Variants in FERMT2 observed in about 807,000 individuals in gnomAD.
FERMT2 encodes the protein FERM domain containing kindlin 2, also known as fermitin family homolog 2.
FERMT2 carries 15 observed loss-of-function variants against 82.7 expected under a neutral mutation model. The observed-to-expected ratio is 0.18, with a 90% CI of 0.12 to 0.28. FERMT2 has a LOEUF of 0.28. Among genes scored for constraint, FERMT2 ranks in the 10% least tolerant of loss-of-function variants. The probability of loss-of-function intolerance (pLI) is 1.00; values close to 1 mark genes in which losing one functional copy is unlikely to be tolerated. For missense variants in FERMT2, 645 were observed against 809.4 expected (o/e 0.80, Z 2.46); for synonymous variants, 274 against 271.5 (o/e 1.01, Z -0.09).
At chr14:52,908,755 C>A (rs1566744038) in intron 3 of FERMT2, among the ~76,000 whole-genome samples, 1 of 152,026 alleles carries the variant, frequency 6.6e-6, no homozygotes, top group East Asian at 1.9e-4. Context: ...ATTATTTTGC[C>A]TTAAATTATA....
intron 2 of FERMT2, among the ~76,000 whole-genome samples, chr14:52,943,778 T>C (rs974487135): frequency 6.6e-6 from 1 of 152,224 alleles, no homozygotes; most frequent in African/African-American, 2.4e-5. Flanking sequence ...TTACGCAGTG[T>C]TCACTCAATT....
chr14:52,911,215 T>C (rs1213034888), intron 3 of FERMT2, among the ~76,000 whole-genome samples: 1 of 152,194 alleles, frequency 6.6e-6, no homozygotes, highest in Non-Finnish European at 1.5e-5. Context: ...CCAATGAATG[T>C]AGCCATATTC....
chr14:52,918,838 T>C (rs1210004030), intron 3 of FERMT2, among the ~76,000 whole-genome samples: 1 of 152,204 alleles, frequency 6.6e-6, no homozygotes, highest in Non-Finnish European at 1.5e-5. Context: ...GCCATGTATG[T>C]TCCCCTGAAA....
rs557452488 is a variant in FERMT2, at chr14:52,927,797, A to T, written c.158-8441T>A. On this transcript the variant is annotated intron_variant, in intron 2 of 14. Transcript: ENST00000341590. ...CCACACATCCATGGATATGCCCCAG[A>T]TTTGACTTGGGCCTTCAAACTTTGC... Among the ~76,000 whole-genome samples the T allele has an allele frequency of 1.0e-3, 152 of 151,896 alleles. 1 individual carries two copies. Among genetic ancestry groups the T allele is most frequent in the Admixed American group, 6.8e-3 (104 of 15,230 alleles).
intron 3 of FERMT2, among the ~76,000 whole-genome samples, chr14:52,896,841 T>C (rs911438197): frequency 2.6e-5 from 4 of 151,796 alleles, no homozygotes; most frequent in Admixed American, 6.6e-5. Flanking sequence ...AAAATTTTTT[T>C]TTAAATTAGC....
intron 3 of FERMT2, among the ~76,000 whole-genome samples, chr14:52,917,542 A>T (rs1037676390): frequency 3.9e-5 from 6 of 152,108 alleles, no homozygotes; most frequent in Non-Finnish European, 5.9e-5. Flanking sequence ...GTTTCACTTT[A>T]AAAAAAATTT....
At chr14:52,901,877 A>G (rs966144516) in intron 3 of FERMT2, among the ~76,000 whole-genome samples, 1 of 152,262 alleles carries the variant, frequency 6.6e-6, no homozygotes, top group Non-Finnish European at 1.5e-5. Context: ...ACTGTGAGAT[A>G]AATTCGTGTT....
chr14:52,892,197 T>A (rs1317015807), intron 4 of FERMT2, among the ~76,000 whole-genome samples: 1 of 130,758 alleles, frequency 7.6e-6, no homozygotes, highest in South Asian at 2.4e-4. Flanking sequence ...TGAGACGGAG[T>A]TGTCACCCAG....
intron 2 of FERMT2, among the ~76,000 whole-genome samples, chr14:52,937,459 C>G (rs1889895901): frequency 6.6e-6 from 1 of 152,174 alleles, no homozygotes; most frequent in African/African-American, 2.4e-5. Context: ...TTCTTCCTAA[C>G]TTTCCACCCT....
At chr14:52,886,150 ATAC>A (rs1433555246) in intron 4 of FERMT2, among the ~76,000 whole-genome samples, 1 of 152,194 alleles carries the variant, frequency 6.6e-6, no homozygotes, top group African/African-American at 2.4e-5. Flanking sequence ...AATAACCGAG[ATAC>A]TACTTATTGT....
At chr14:52,902,887 A>AAAAAAAC (rs1417117125) in intron 3 of FERMT2, among the ~76,000 whole-genome samples, 1 of 139,452 alleles carries the variant, frequency 7.2e-6, no homozygotes, top group Admixed American at 7.4e-5. Flanking sequence ...AAAAAAAAAA[A>AAAAAAAC]AAAACCCCAA....
chr14:52,923,133 G>GT (rs1376746853), intron 2 of FERMT2, among the ~76,000 whole-genome samples: 1 of 151,864 alleles, frequency 6.6e-6, no homozygotes. Context: ...TGGGACCACG[G>GT]TTGTATAGTC....
At chr14:52,938,816 T>C (rs1463489314) in intron 2 of FERMT2, among the ~76,000 whole-genome samples, 2 of 152,138 alleles carry the variant, frequency 1.3e-5, no homozygotes, top group Non-Finnish European at 2.9e-5. Flanking sequence ...TCTGCCCATC[T>C]TGGCCTCCCT....
In FERMT2 at chr14:52,947,666, C is replaced by T. The variant is rs184917397; in HGVS notation, c.157+2746G>A. Among the ~76,000 whole-genome samples the T allele has an allele frequency of 4.0e-4, 61 of 152,242 alleles. 2 individuals are homozygous for T. In the East Asian group the frequency reaches 9.3e-3, roughly 23 times the overall value. On this transcript the variant is annotated intron_variant, in intron 2 of 14. Transcript: ENST00000341590. ...AAGGAAACATTATTTACACTTATGT[C>T]GTGCTTAATTAAAATGCCGCACTCT...
At chr14:52,905,885 A>G (rs1887977354) in intron 3 of FERMT2, among the ~76,000 whole-genome samples, 1 of 152,358 alleles carries the variant, frequency 6.6e-6, no homozygotes, top group South Asian at 2.1e-4. Context: ...TGGCTTTCTA[A>G]GATGCACGGC....
At chr14:52,881,936 C>G (rs1282858882) in intron 4 of FERMT2, 24 of 435,648 alleles carry the variant, frequency 5.5e-5, no homozygotes, top group Middle Eastern at 7.2e-4. Context: ...CAGATTTTCC[C>G]TAATTGTGAA....
chr14:52,939,630 GCA>G (rs1264250601), intron 2 of FERMT2, among the ~76,000 whole-genome samples: 2 of 152,012 alleles, frequency 1.3e-5, no homozygotes, highest in South Asian at 2.1e-4. Flanking sequence ...GGAACCAGAG[GCA>G]CAGACAGGTC....
At chr14:52,903,308 T>A (rs531502526) in intron 3 of FERMT2, among the ~76,000 whole-genome samples, 2 of 151,706 alleles carry the variant, frequency 1.3e-5, no homozygotes, top group South Asian at 4.2e-4. Flanking sequence ...GAGACGAAGG[T>A]GGGAGGGCTG....
At chr14:52,942,306 C>CTTT (rs200747260) in intron 2 of FERMT2, among the ~76,000 whole-genome samples, 2 of 138,786 alleles carry the variant, frequency 1.4e-5, no homozygotes, top group African/African-American at 5.3e-5. Flanking sequence ...TTTTCTTTTT[C>CTTT]TTTTTTTTTT....
Sources: gnomAD v4.1 joint callset for allele counts (sites outside exome capture counted in the v4.1 genomes callset) on GRCh38, gnomAD v4.1.1 for gene constraint, MANE v1.5 for transcripts, NCBI Gene and HGNC (gene_info 2026-07-23, HGNC 2026-07-21) for gene names.